The following COX7A2 variants were observed in gnomAD, a reference collection of about 807,000 sequenced individuals.
The protein encoded by COX7A2 is cytochrome c oxidase subunit 7A2, mitochondrial.
A neutral mutation model predicts 11.6 loss-of-function variants in COX7A2; 11 were observed. That is an observed-to-expected ratio of 0.95 (90% confidence interval 0.60 to 1.57). COX7A2 has a LOEUF of 1.57. COX7A2 is among the 40% of genes most tolerant of loss of function. The pLI is 0.00. For missense variants in COX7A2, 106 were observed against 100.9 expected (o/e 1.05, Z -0.22); for synonymous variants, 30 against 38.2 (o/e 0.78, Z 0.79).
At chr6:75,242,188 G>C (rs1771523400) in intron 1 of COX7A2, among the ~76,000 whole-genome samples, 1 of 150,856 alleles carries the variant, frequency 6.6e-6, no homozygotes, top group Non-Finnish European at 1.5e-5. Context: ...CAAAAAGAGT[G>C]AAACTCCATC....
chr6:75,240,026 G>A (rs929873772), intron 3 of COX7A2, among the ~76,000 whole-genome samples: 1 of 151,952 alleles, frequency 6.6e-6, no homozygotes, highest in Admixed American at 6.6e-5. Flanking sequence ...GCTTGAACCC[G>A]GGAGGCAGAG....
intron 3 of COX7A2, 41 bp from the exon 4 acceptor site, chr6:75,238,029 A>G: frequency 7.4e-7 from 1 of 1,355,910 alleles, no homozygotes; most frequent in Admixed American, 2.1e-5. Context: ...CATAAATTCT[A>G]AGATCTAAGT....
chr6:75,239,067 A>T (rs1771409532), intron 3 of COX7A2, among the ~76,000 whole-genome samples: 1 of 152,162 alleles, frequency 6.6e-6, no homozygotes, highest in Non-Finnish European at 1.5e-5. Context: ...TGCCAGCCTC[A>T]GCCTCCCAAA....
chr6:75,239,805 T>C (rs993798151), intron 3 of COX7A2, among the ~76,000 whole-genome samples: 1 of 152,182 alleles, frequency 6.6e-6, no homozygotes, highest in Non-Finnish European at 1.5e-5. Context: ...TGTTATTTTT[T>C]TATTAAGACA....
chr6:75,243,819 T>C (rs778207103), upstream of COX7A2: 6 of 1,614,036 alleles, frequency 3.7e-6, no homozygotes, highest in Non-Finnish European at 4.2e-6. Flanking sequence ...CCTCCGAGTC[T>C]TGCGTATGCA....
intron 1 of COX7A2, 35 bp from the exon 2 acceptor site, chr6:75,241,300 C>CTAAAGAAACCT: frequency 6.9e-7 from 1 of 1,459,624 alleles, no homozygotes; most frequent in Non-Finnish European, 9.2e-7. Context: ...GACTTAGAGC[C>CTAAAGAAACCT]TAAAGAAACC....
Position 75,243,768 on chromosome 6 carries a change from G to T in COX7A2, c.-34C>A, listed in dbSNP as rs370057500. 2 of 1,614,002 alleles carry T rather than the reference G, an allele frequency of 1.2e-6. No homozygotes were observed. The highest frequency in any genetic ancestry group is 1.7e-6 in the Non-Finnish European group (2 of 1,179,942). ...TTACTGACCAGCAACCGCCACAACT[G>T]AACACCACCAACGAAAATGGCCACG... On this transcript the variant is annotated 5_prime_UTR_variant, in exon 1 of 4. Coordinates refer to ENST00000684430, the MANE Select transcript of COX7A2 (RefSeq NM_001366293.2).
chr6:75,243,800 C>T lies in COX7A2; in HGVS notation c.-66G>A. On this transcript the variant is annotated 5_prime_UTR_variant, in exon 1 of 4. Transcript: ENST00000684430. Reference sequence around the variant, plus strand: ...ACCAACGAAAATGGCCACGCCGGAACCGGAACTACCTCCGAGTCTTGCGTA... The same window carrying T: ...ACCAACGAAAATGGCCACGCCGGAATCGGAACTACCTCCGAGTCTTGCGTA... 2 of 1,614,136 alleles carry T rather than the reference C, an allele frequency of 1.2e-6. No homozygotes were observed. The highest frequency in any genetic ancestry group is 1.3e-5 in the African/African-American group (1 of 75,056).
downstream of COX7A2, chr6:75,237,723 C>T (rs1771356594): frequency 1.5e-5 from 6 of 407,566 alleles, no homozygotes; most frequent in South Asian, 4.7e-4. Context: ...TGATCCTTAC[C>T]TAAGATTTAC....
intron 1 of COX7A2, among the ~76,000 whole-genome samples, chr6:75,242,511 A>C (rs542143821): frequency 6.6e-6 from 1 of 151,976 alleles, no homozygotes; most frequent in Non-Finnish European, 1.5e-5. Context: ...CGCTCAAAAA[A>C]TAAAAATAAA....
At chr6:75,241,671 C>T (rs1271095816) in intron 1 of COX7A2, among the ~76,000 whole-genome samples, 9 of 152,268 alleles carry the variant, frequency 5.9e-5, no homozygotes, top group East Asian at 1.9e-4. Context: ...ACCTGCCAGG[C>T]GCGGTGGCTC....
chr6:75,243,862 A>C (rs565588665), upstream of COX7A2: 5 of 1,597,798 alleles, frequency 3.1e-6, no homozygotes, highest in Middle Eastern at 1.7e-4. Context: ...GGCCGAAGAG[A>C]GGCTTGCGCT....
rs1771365760 is a variant in COX7A2, at chr6:75,237,958, A to G, written c.224T>C (p.Val75Ala). The G allele has an allele frequency of 1.2e-6, 2 of 1,606,572 alleles. No individual in the cohort carries two copies. Among genetic ancestry groups the G allele is most frequent in the Non-Finnish European group, 1.7e-6 (2 of 1,175,214 alleles). The part of the protein sequence containing the change: ...GTAYAIYELA[V>A]ASFPKKQE ...CTCCTGCTTCTTGGGAAATGAAGCC[A>G]CAGCCAGCTCATATATGGCATATGC... Residue 75 changes from valine (V) to alanine (A), a missense_variant, in exon 4 of 4, where the codon GTG (valine) becomes GCG (alanine). Physicochemically the swap from Val to Ala is moderately conservative, Grantham distance 64. Transcript: ENST00000684430.
At chr6:75,245,938 T>C (rs140120804), upstream of COX7A2, among the ~76,000 whole-genome samples, 633 of 152,362 alleles carry the variant, frequency 4.2e-3, 1 homozygote, top group African/African-American at 0.015. Flanking sequence ...GTGGCTTCCA[T>C]AGTACTCCTT....
intron 1 of COX7A2, among the ~76,000 whole-genome samples, chr6:75,249,675 T>C (rs1346435716): frequency 6.6e-6 from 1 of 152,208 alleles, no homozygotes; most frequent in Non-Finnish European, 1.5e-5. Context: ...TGGCCAAATG[T>C]CTTGGGGAAT....
chr6:75,246,848 A>T (rs568068801), upstream of COX7A2, among the ~76,000 whole-genome samples: 6 of 152,124 alleles, frequency 3.9e-5, no homozygotes, highest in Admixed American at 2.0e-4. Flanking sequence ...TACCTAACAA[A>T]CTTTATTGCA....
intron 3 of COX7A2, 76 bp downstream of exon 3, chr6:75,240,225 T>A: frequency 1.8e-6 from 2 of 1,091,104 alleles, no homozygotes; most frequent in South Asian, 2.7e-5. Flanking sequence ...AATACTGGCA[T>A]AGCAAAAGCA....
intron 1 of COX7A2, among the ~76,000 whole-genome samples, chr6:75,249,685 T>A (rs890031690): frequency 6.6e-6 from 1 of 152,220 alleles, no homozygotes; most frequent in Non-Finnish European, 1.5e-5. Context: ...TCTTGGGGAA[T>A]TGCAAATGGT....
At chr6:75,239,341 A>T (rs1272300794) in intron 3 of COX7A2, among the ~76,000 whole-genome samples, 1 of 152,216 alleles carries the variant, frequency 6.6e-6, no homozygotes, top group Non-Finnish European at 1.5e-5. Flanking sequence ...CTTGGTGTGC[A>T]GGGAAAAACC....
Sources: allele counts gnomAD v4.1 joint callset (sites outside exome capture counted in the v4.1 genomes callset), GRCh38; gene constraint gnomAD v4.1.1; transcripts MANE v1.5; gene names NCBI Gene and HGNC (gene_info 2026-07-23, HGNC 2026-07-21).